ASTN2: variants seen among roughly 807,000 people sequenced by gnomAD.
ASTN2 encodes the protein astrotactin 2.
A neutral mutation model predicts 139.8 loss-of-function variants in ASTN2; 54 were observed. That is an observed-to-expected ratio of 0.39 (90% CI 0.31 to 0.48). The LOEUF (loss-of-function observed/expected upper bound fraction) is 0.48, where lower values mean the gene tolerates loss of function less well. Ranked by LOEUF, ASTN2 falls within the 20% of genes least tolerant of loss-of-function variation. ASTN2 has a pLI of 0.95. For synonymous variants in ASTN2, 756 were observed against 719.5 expected (o/e 1.05, Z -0.81); for missense variants, 1,565 against 1,725.1 (o/e 0.91, Z 1.64).
intron 1 of ASTN2, among the ~76,000 whole-genome samples, chr9:117,340,425 C>T (rs1044490569): frequency 2.0e-5 from 3 of 150,904 alleles, no homozygotes; most frequent in African/African-American, 2.4e-5. Flanking sequence ...GCAGGAACAC[C>T]GGTTATAGAA....
At chr9:117,110,660 C>G (rs1314739725) in intron 4 of ASTN2, among the ~76,000 whole-genome samples, 2 of 152,160 alleles carry the variant, frequency 1.3e-5, no homozygotes, top group African/African-American at 4.8e-5. Context: ...AAAATACTAC[C>G]TGAGGGCTCC....
intron 17 of ASTN2, among the ~76,000 whole-genome samples, chr9:116,624,269 T>C (rs554308118): frequency 6.6e-6 from 1 of 152,246 alleles, no homozygotes; most frequent in East Asian, 1.9e-4. Context: ...TTTCCCTATC[T>C]CCAAATGAGG....
intron 2 of ASTN2, among the ~76,000 whole-genome samples, chr9:117,274,187 A>G (rs1461309086): frequency 6.6e-6 from 1 of 152,092 alleles, no homozygotes; most frequent in African/African-American, 2.4e-5. Flanking sequence ...CGTCTCTACT[A>G]AAAATACAAA....
At chr9:116,971,771 G>A (rs192350032) in intron 10 of ASTN2, among the ~76,000 whole-genome samples, 9 of 152,270 alleles carry the variant, frequency 5.9e-5, no homozygotes, top group Admixed American at 5.9e-4. Context: ...TGCTTCTAAA[G>A]AGTTCACCAG....
chr9:117,035,089 A>C (rs1192222910), intron 6 of ASTN2, among the ~76,000 whole-genome samples: 1 of 152,132 alleles, frequency 6.6e-6, no homozygotes, highest in Non-Finnish European at 1.5e-5. Flanking sequence ...GGTAGCTGAG[A>C]GCTCTCTCTA....
chr9:116,569,166 T>C (rs1023208982), intron 19 of ASTN2, among the ~76,000 whole-genome samples: 4 of 152,132 alleles, frequency 2.6e-5, no homozygotes. Context: ...ACCAAAGTCA[T>C]TGGGAATTAG....
intron 19 of ASTN2, among the ~76,000 whole-genome samples, chr9:116,567,730 C>T (rs1041736491): frequency 2.6e-5 from 4 of 152,052 alleles, no homozygotes; most frequent in East Asian, 3.9e-4. Flanking sequence ...GAAGGAAGGA[C>T]GGTTGGCAGG....
chr9:117,010,549 C>T (rs1489569481), intron 6 of ASTN2, among the ~76,000 whole-genome samples: 1 of 152,060 alleles, frequency 6.6e-6, no homozygotes, highest in African/African-American at 2.4e-5. Flanking sequence ...GCTCTGCAAA[C>T]TTGGGCAAAA....
chr9:117,213,975 C>G (rs942493363), intron 3 of ASTN2, among the ~76,000 whole-genome samples: 5 of 152,102 alleles, frequency 3.3e-5, no homozygotes, highest in African/African-American at 1.2e-4. Flanking sequence ...CATGGGGGAC[C>G]GTGAACACAG....
intron 7 of ASTN2, among the ~76,000 whole-genome samples, chr9:117,000,746 T>C (rs538778585): frequency 1.3e-5 from 2 of 152,320 alleles, no homozygotes; most frequent in South Asian, 4.1e-4. Flanking sequence ...CATTGGTTTG[T>C]TCTCATCTCA....
intron 16 of ASTN2, among the ~76,000 whole-genome samples, chr9:116,716,284 C>T (rs148675183): frequency 9.8e-4 from 149 of 152,238 alleles, no homozygotes; most frequent in African/African-American, 3.5e-3. Context: ...GGTAATGATG[C>T]ACACACATAT....
chr9:117,111,947 A>C (rs1829261050), intron 4 of ASTN2, among the ~76,000 whole-genome samples: 1 of 152,128 alleles, frequency 6.6e-6, no homozygotes, highest in Admixed American at 6.5e-5. Context: ...AGCATGATTG[A>C]AATATAAATG....
chr9:116,767,530 A>G (rs1424594477), intron 13 of ASTN2, among the ~76,000 whole-genome samples: 1 of 152,202 alleles, frequency 6.6e-6, no homozygotes, highest in Non-Finnish European at 1.5e-5. Flanking sequence ...GACAGCTCCT[A>G]ATAGCACAGT....
At chr9:117,074,124 T>C (rs910223158) in intron 5 of ASTN2, among the ~76,000 whole-genome samples, 2 of 152,068 alleles carry the variant, frequency 1.3e-5, no homozygotes, top group African/African-American at 4.8e-5. Flanking sequence ...AGTACAGGAA[T>C]GGGGTTATCT....
intron 11 of ASTN2, among the ~76,000 whole-genome samples, chr9:116,835,737 C>T (rs969310764): frequency 1.3e-5 from 2 of 152,164 alleles, no homozygotes; most frequent in Non-Finnish European, 2.9e-5. Context: ...ATATTTGGCT[C>T]AGAATAAATC....
At chr9:116,445,307 G>A (rs1226771871) in intron 20 of ASTN2, among the ~76,000 whole-genome samples, 1 of 152,198 alleles carries the variant, frequency 6.6e-6, no homozygotes, top group Non-Finnish European at 1.5e-5. Context: ...CTTGTAAGAA[G>A]AGGATTTTTA....
chr9:116,763,703 A>G (rs1422045217), intron 13 of ASTN2, among the ~76,000 whole-genome samples: 1 of 152,158 alleles, frequency 6.6e-6, no homozygotes, highest in African/African-American at 2.4e-5. Context: ...TTGTGGGTAA[A>G]GTGGGGATGC....
chr9:117,202,998 T>A (rs1211251799), intron 3 of ASTN2, among the ~76,000 whole-genome samples: 1 of 152,144 alleles, frequency 6.6e-6, no homozygotes, highest in African/African-American at 2.4e-5. Flanking sequence ...GGTCTTTTTA[T>A]GAAGTACCAC....
chr9:116,819,102 G>A (rs778665147), intron 12 of ASTN2, among the ~76,000 whole-genome samples: 10 of 152,116 alleles, frequency 6.6e-5, no homozygotes, highest in Admixed American at 6.5e-5. Context: ...TTGAATCCAC[G>A]GTTCCCTGTA....
Sources: gnomAD v4.1 joint callset for allele counts (sites outside exome capture counted in the v4.1 genomes callset) on GRCh38, gnomAD v4.1.1 for gene constraint, MANE v1.5 for transcripts, NCBI Gene and HGNC (gene_info 2026-07-23, HGNC 2026-07-21) for gene names.